NUP58: variants seen among roughly 807,000 people sequenced by gnomAD.
The protein encoded by NUP58 is nucleoporin 58, also known as nucleoporin p58/p45.
In NUP58, 17 loss-of-function variants were observed where a neutral mutation model predicts 70.1. The ratio of observed to expected loss-of-function variants is 0.24; its 90% CI spans 0.17 to 0.36. The LOEUF (loss-of-function observed/expected upper bound fraction) is 0.36. NUP58 is among the 10% of genes least tolerant of loss of function. The pLI is 1.00. For missense variants in NUP58, 644 were observed against 701.5 expected, an observed-to-expected ratio of 0.92 and a Z score of 0.93; for synonymous variants, 275 against 257.6, an observed-to-expected ratio of 1.07 and a Z score of -0.65.
chr13:25,327,831 A>G (rs1227643998), intron 12 of NUP58, among the ~76,000 whole-genome samples: 1 of 152,154 alleles, frequency 6.6e-6, no homozygotes, highest in Non-Finnish European at 1.5e-5. Flanking sequence ...GTATGGTTGT[A>G]CATTGTTTAA....
At chr13:25,318,093 G>T (rs2031019133) in intron 6 of NUP58, among the ~76,000 whole-genome samples, 1 of 152,000 alleles carries the variant, frequency 6.6e-6, no homozygotes, top group African/African-American at 2.4e-5. Flanking sequence ...ACTTTGGGAG[G>T]CCGGGGCAGG....
At chr13:25,308,558 G>T (rs993615577) in intron 2 of NUP58, among the ~76,000 whole-genome samples, 3 of 151,396 alleles carry the variant, frequency 2.0e-5, no homozygotes, top group African/African-American at 7.3e-5. Flanking sequence ...TGATCCTCCT[G>T]CTTTGGCCTC....
Position 25,311,044 on chromosome 13 carries a change from G to C in NUP58, c.286+1762G>C, listed in dbSNP as rs1740848630. ...GTATAATCCGATAAATGTCCTAAAAGATGTAGAGGCACCATGAAAGGCAGA... is the reference window on the plus strand; with the variant it reads ...GTATAATCCGATAAATGTCCTAAAACATGTAGAGGCACCATGAAAGGCAGA... On this transcript the variant is annotated intron_variant, in intron 3 of 15. Coordinates refer to ENST00000381736, the MANE Select transcript of NUP58 (RefSeq NM_014089.4). Among the ~76,000 whole-genome samples the C allele has an allele frequency of 2.0e-5, 3 of 152,320 alleles. No individual in the cohort carries two copies. The South Asian group carries it at 6.2e-4, about 32-fold the overall frequency.
At chr13:25,331,330 T>G in intron 12 of NUP58, 27 bp from the exon 13 acceptor site, 1 of 1,600,606 alleles carries the variant, frequency 6.2e-7, no homozygotes, top group Non-Finnish European at 8.5e-7. Context: ...AAACTTCATT[T>G]AGCCGTTTTG....
chr13:25,304,338 A>T (rs968365317), intron 1 of NUP58, among the ~76,000 whole-genome samples: 1 of 151,674 alleles, frequency 6.6e-6, no homozygotes, highest in Non-Finnish European at 1.5e-5. Flanking sequence ...CTTTTCTTGA[A>T]TTTAGTAAAT....
chr13:25,303,229 A>G (rs972836684), intron 1 of NUP58: 1 of 400,346 alleles, frequency 2.5e-6, no homozygotes, highest in Non-Finnish European at 4.8e-6. Context: ...AGTTTAAAAA[A>G]GAAAAAAAAA....
chr13:25,309,360 C>T (rs1173495490), intron 3 of NUP58, 78 bp downstream of exon 3: 2 of 1,097,506 alleles, frequency 1.8e-6, no homozygotes, highest in Admixed American at 4.3e-5. Flanking sequence ...TTCTACTCTT[C>T]TCTCTTCTAA....
At chr13:25,332,546 T>C in intron 13 of NUP58, 2 of 948,938 alleles carry the variant, frequency 2.1e-6, no homozygotes, top group Non-Finnish European at 2.5e-6. Flanking sequence ...ACAAAAAAAT[T>C]AATACATATT....
intron 1 of NUP58, chr13:25,302,985 C>G: frequency 2.2e-6 from 1 of 456,696 alleles, no homozygotes; most frequent in South Asian, 1.5e-5. Flanking sequence ...TGGACAGATT[C>G]CCATGTGCAA....
At chr13:25,315,104 A>G (rs895432366) in intron 5 of NUP58, among the ~76,000 whole-genome samples, 1 of 152,222 alleles carries the variant, frequency 6.6e-6, no homozygotes, top group African/African-American at 2.4e-5. Flanking sequence ...GAGTGCCTAC[A>G]TACTGAATTG....
rs1284157587 is a variant in NUP58 at position 25,312,951 on chromosome 13, G to A, written c.355G>A (p.Ala119Thr). 1 of 1,614,158 alleles carries A rather than the reference G, an allele frequency of 6.2e-7. No homozygotes were observed. The highest frequency in any genetic ancestry group is 8.5e-7 in the Non-Finnish European group (1 of 1,180,008). Residue 119 changes from alanine (A) to threonine (T), a missense_variant, in exon 4 of 16, where the codon GCC (alanine) becomes ACC (threonine). Coordinates refer to ENST00000381736, the MANE Select transcript of NUP58 (RefSeq NM_014089.4). ...AGGATTCAATAAACCTGCAGCATCT[G>A]CCACACCATTTGCTCTACCTATTAC... ...SLGFNKPAAS[A>T]TPFALPITST... is the part of the protein sequence containing the mutation.
chr13:25,309,341 G>C lies in NUP58; in HGVS notation c.286+59G>C, dbSNP rs550032537. 2.3e-6 allele frequency: 3 copies of C among 1,294,492 alleles called. No individual in the cohort carries two copies. The African/African-American group carries it at 4.4e-5, about 19-fold the overall frequency. 80.2% of individuals were successfully genotyped at this position (1,294,492 alleles called of 1,614,324 possible). A position where few individuals can be genotyped will look rare whatever the true frequency, so the allele number is the denominator to read the frequency against. On this transcript the variant is annotated intron_variant, in intron 3 of 15. Transcript: ENST00000381736. Reference sequence around the variant, plus strand: ...GGTCTTCTAATAATTTTAATAAATTGAGTGATCTTTCTACTCTTCTCTCTT... The same window carrying C: ...GGTCTTCTAATAATTTTAATAAATTCAGTGATCTTTCTACTCTTCTCTCTT...
chr13:25,301,667 G>C lies in NUP58; in HGVS notation c.-107G>C. Reference sequence around the variant, plus strand: ...CGTTGGGGCTGGAAGTTCCCGCCAGGTCCGTGCCGGGCGAGAGAGATGCTG... The same window carrying C: ...CGTTGGGGCTGGAAGTTCCCGCCAGCTCCGTGCCGGGCGAGAGAGATGCTG... On this transcript the variant is annotated 5_prime_UTR_variant, in exon 1 of 16. Coordinates refer to ENST00000381736, the MANE Select transcript of NUP58 (RefSeq NM_014089.4). 1 of 567,058 alleles carries C rather than the reference G, an allele frequency of 1.8e-6. No homozygotes were observed. The highest frequency in any genetic ancestry group is 2.9e-6 in the Non-Finnish European group (1 of 345,104). 35.1% of individuals were successfully genotyped at this position (567,058 alleles called of 1,614,324 possible).
chr13:25,347,898 A>T (rs1318987411), intron 3 of NUP58, among the ~76,000 whole-genome samples: 1 of 151,716 alleles, frequency 6.6e-6, no homozygotes, highest in East Asian at 2.0e-4. Context: ...TCTGGTGTCG[A>T]GAATTTCTAC....
intron 12 of NUP58, among the ~76,000 whole-genome samples, chr13:25,329,795 A>T (rs2031538636): frequency 6.6e-6 from 1 of 152,086 alleles, no homozygotes; most frequent in South Asian, 2.1e-4. Context: ...ATCATGGCTG[A>T]TGTCAAGGTT....
At chr13:25,334,165 T>TA in intron 13 of NUP58, 1 of 985,424 alleles carries the variant, frequency 1.0e-6, no homozygotes, top group Non-Finnish European at 1.2e-6. Flanking sequence ...TGAGCATCGA[T>TA]AACGTGGATA....
At chr13:25,313,508 C>A in intron 4 of NUP58, 106 bp from the exon 5 acceptor site, 1 of 1,080,446 alleles carries the variant, frequency 9.3e-7, no homozygotes, top group Non-Finnish European at 1.3e-6. Flanking sequence ...TTCCAAAGAG[C>A]CAATTTTATC....
intron 13 of NUP58, chr13:25,335,120 G>C: frequency 2.0e-6 from 2 of 985,158 alleles, no homozygotes; most frequent in Non-Finnish European, 2.4e-6. Context: ...ATTTGCCTAC[G>C]AGTTTTATAA....
Position 25,341,654 on chromosome 13 carries a change from A to G in NUP58, c.*1520A>G, listed in dbSNP as rs74042931. 6.6e-6 allele frequency: 1 copy of G among 152,630 alleles called. No homozygotes were observed. Among genetic ancestry groups the G allele is most frequent in the South Asian group, 2.1e-4 (1 of 4,834 alleles). The allele number at this position is 152,630 out of a possible 1,614,324, so 9.5% of individuals were successfully genotyped here. A position where few individuals can be genotyped will look rare whatever the true frequency, so the allele number is the denominator to read the frequency against. On this transcript the variant is annotated 3_prime_UTR_variant, in exon 16 of 16. Transcript: ENST00000381736. Reference sequence around the variant, plus strand: ...AGGTTGCATCTGTATATTTGACTACATTAGTATTAGTGACATCAGGTGGAT... The same window carrying G: ...AGGTTGCATCTGTATATTTGACTACGTTAGTATTAGTGACATCAGGTGGAT...
Sources: gnomAD v4.1 joint callset for allele counts (sites outside exome capture counted in the v4.1 genomes callset) on GRCh38, gnomAD v4.1.1 for gene constraint, MANE v1.5 for transcripts, NCBI Gene and HGNC (gene_info 2026-07-23, HGNC 2026-07-21) for gene names.